Variants in HSDL2 observed in about 807,000 individuals in gnomAD.
HSDL2 encodes the protein hydroxysteroid dehydrogenase like 2.
Under a neutral mutation model 46.3 loss-of-function variants are expected in HSDL2, and 27 were observed. The ratio of observed to expected loss-of-function variants is 0.58; its 90% confidence interval spans 0.43 to 0.80. The LOEUF is 0.80. HSDL2 is among the 30% of genes least tolerant of loss of function. The pLI is 0.00. For missense variants in HSDL2, 451 were observed against 502.7 expected (o/e 0.90, Z 0.98); for synonymous variants, 153 against 163.6 (o/e 0.94, Z 0.50).
At chr9:112,406,202 G>C (rs1222616150) in intron 3 of HSDL2, among the ~76,000 whole-genome samples, 2 of 151,444 alleles carry the variant, frequency 1.3e-5, no homozygotes, top group Non-Finnish European at 2.9e-5. Flanking sequence ...TGGAATGATA[G>C]ACTGTGGAGA....
chr9:112,400,277 G>A (rs1831558955), intron 1 of HSDL2, among the ~76,000 whole-genome samples: 1 of 152,220 alleles, frequency 6.6e-6, no homozygotes, highest in East Asian at 1.9e-4. Flanking sequence ...TGGAGCTACG[G>A]GAACTCTTAT....
At chr9:112,381,982 A>G (rs1352772782) in intron 1 of HSDL2, among the ~76,000 whole-genome samples, 3 of 152,228 alleles carry the variant, frequency 2.0e-5, no homozygotes, top group African/African-American at 7.2e-5. Flanking sequence ...TCACGCCTGT[A>G]GTCCCAGCAC....
At chr9:112,440,852 A>G (rs1428174919) in intron 7 of HSDL2, among the ~76,000 whole-genome samples, 1 of 152,088 alleles carries the variant, frequency 6.6e-6, no homozygotes, top group East Asian at 1.9e-4. Flanking sequence ...TACTAAAAAT[A>G]TGAAAAGTAG....
At chr9:112,380,431 C>A (rs1402133564) in intron 1 of HSDL2, among the ~76,000 whole-genome samples, 2 of 151,966 alleles carry the variant, frequency 1.3e-5, no homozygotes, top group Non-Finnish European at 2.9e-5. Flanking sequence ...GGTAAAGGGC[C>A]GAGGGGGAGT....
Position 112,459,430 on chromosome 9 carries a change from TA to T in HSDL2, c.1016-18del. 6.2e-7 allele frequency: 1 copy of T among 1,612,238 alleles called. No homozygotes were observed. Among genetic ancestry groups the T allele is most frequent in the Non-Finnish European group, 8.5e-7 (1 of 1,178,772 alleles). ...ACAGGGCTTCTATGACATTGATTTC[TA>T]TATGTTTATCTCTCTAGGTGAAGAT... On this transcript the variant is annotated intron_variant, in intron 9 of 10. Coordinates refer to ENST00000398805, the MANE Select transcript of HSDL2 (RefSeq NM_032303.5).
intron 1 of HSDL2, among the ~76,000 whole-genome samples, chr9:112,390,411 G>A (rs1182721358): frequency 6.6e-6 from 1 of 152,088 alleles, no homozygotes; most frequent in Non-Finnish European, 1.5e-5. Context: ...CCTTACTTCA[G>A]TTCATACACA....
chr9:112,420,046 G>C (rs1374341815), intron 6 of HSDL2, among the ~76,000 whole-genome samples: 1 of 152,138 alleles, frequency 6.6e-6, no homozygotes. Context: ...TTTATCTTAA[G>C]TGTAAATGGT....
chr9:112,383,908 C>T (rs1350497983), intron 1 of HSDL2, among the ~76,000 whole-genome samples: 1 of 151,996 alleles, frequency 6.6e-6, no homozygotes, highest in Non-Finnish European at 1.5e-5. Flanking sequence ...CACTTTGTTG[C>T]CCAGGCTGGT....
At chr9:112,404,231 T>G in intron 2 of HSDL2, 73 bp downstream of exon 2, 1 of 1,438,682 alleles carries the variant, frequency 7.0e-7, no homozygotes, top group Non-Finnish European at 9.6e-7. Flanking sequence ...GCTGGAGAGT[T>G]TAGTTAAAGC....
chr9:112,397,934 C>T (rs1307726956), intron 1 of HSDL2, among the ~76,000 whole-genome samples: 1 of 152,108 alleles, frequency 6.6e-6, no homozygotes, highest in African/African-American at 2.4e-5. Flanking sequence ...GAGATTCCAG[C>T]ACGACCGGAT....
intron 8 of HSDL2, among the ~76,000 whole-genome samples, chr9:112,444,490 C>A (rs1587958667): frequency 6.6e-6 from 1 of 152,102 alleles, no homozygotes; most frequent in Non-Finnish European, 1.5e-5. Context: ...GTAGTCCCAG[C>A]ACTTTGGGAG....
chr9:112,426,777 A>G (rs1275483478), intron 6 of HSDL2, among the ~76,000 whole-genome samples: 8 of 152,258 alleles, frequency 5.3e-5, no homozygotes, highest in Non-Finnish European at 1.0e-4. Context: ...GAGCTGCAGT[A>G]GCTGTCTGTA....
chr9:112,420,650 GA>G lies in HSDL2; in HGVS notation c.598+1693del, dbSNP rs550553219. On this transcript the variant is annotated intron_variant, in intron 6 of 10. Transcript: ENST00000398805. ...CATGCTGTTGCACTTCAGCCTCAGCGACAGAGTGAGACCCTGTCTCAACTAA... is the reference window on the plus strand; with the variant it reads ...CATGCTGTTGCACTTCAGCCTCAGCGCAGAGTGAGACCCTGTCTCAACTAA... 7.0e-3 allele frequency among the ~76,000 whole-genome samples: 1,059 copies of G among 152,002 alleles called. 4 individuals carry two copies. Among genetic ancestry groups the G allele is most frequent in the Non-Finnish European group, 0.012 (788 of 67,942 alleles).
intron 3 of HSDL2, 79 bp from the exon 4 acceptor site, chr9:112,408,828 G>A: frequency 1.4e-6 from 1 of 691,122 alleles, no homozygotes; most frequent in South Asian, 1.9e-5. Context: ...AATCAACTGA[G>A]GGTTCAAGAG....
intron 3 of HSDL2, among the ~76,000 whole-genome samples, chr9:112,408,612 A>T (rs1713496442): frequency 6.6e-6 from 1 of 152,218 alleles, no homozygotes; most frequent in Non-Finnish European, 1.5e-5. Context: ...GGCATAGCCT[A>T]TTGCTTCCAG....
At chr9:112,423,842 T>C (rs1832184980) in intron 6 of HSDL2, among the ~76,000 whole-genome samples, 1 of 151,848 alleles carries the variant, frequency 6.6e-6, no homozygotes, top group East Asian at 2.0e-4. Context: ...GCCTCCCGAA[T>C]GGCTGGGATT....
At chr9:112,428,947 GGAGT>G (rs2132658176) in intron 6 of HSDL2, among the ~76,000 whole-genome samples, 1 of 152,300 alleles carries the variant, frequency 6.6e-6, no homozygotes, top group Admixed American at 6.5e-5. Context: ...TGCCCAGGCT[GGAGT>G]GCAGTGGTGC....
chr9:112,441,063 G>A (rs1029954277), intron 7 of HSDL2, among the ~76,000 whole-genome samples: 2 of 151,920 alleles, frequency 1.3e-5, no homozygotes, highest in African/African-American at 4.8e-5. Context: ...AGCTGGATAT[G>A]GTGGCTTGCA....
At chr9:112,398,089 G>A (rs1467335506) in intron 1 of HSDL2, among the ~76,000 whole-genome samples, 1 of 150,120 alleles carries the variant, frequency 6.7e-6, no homozygotes, top group African/African-American at 2.5e-5. Context: ...GGTTGAGGAG[G>A]TCGGACTGGT....
Sources: allele counts gnomAD v4.1 joint callset (sites outside exome capture counted in the v4.1 genomes callset), GRCh38; gene constraint gnomAD v4.1.1; transcripts MANE v1.5; gene names NCBI Gene and HGNC (gene_info 2026-07-23, HGNC 2026-07-21).